The following KCNJ8 variants were observed in gnomAD, a reference collection of about 807,000 sequenced individuals.
KCNJ8 encodes the protein potassium inwardly rectifying channel subfamily J member 8, also known as ATP-sensitive inward rectifier potassium channel 8.
A neutral mutation model predicts 28.2 loss-of-function variants in KCNJ8; 13 were observed. That is an observed-to-expected ratio of 0.46 (90% CI 0.30 to 0.73). The LOEUF is 0.73. KCNJ8 is among the 30% of genes least tolerant of loss of function. KCNJ8 has a pLI of 0.07. For missense variants in KCNJ8, 284 were observed against 542.6 expected (o/e 0.52, Z 4.73); for synonymous variants, 188 against 195.9 (o/e 0.96, Z 0.34).
chr12:21,771,709 T>C (rs1317952075), intron 2 of KCNJ8, among the ~76,000 whole-genome samples: 1 of 152,184 alleles, frequency 6.6e-6, no homozygotes, highest in African/African-American at 2.4e-5. Flanking sequence ...TTACCATTTC[T>C]TTTTTCTCTT....
At chr12:21,770,517 C>A (rs946800127) in intron 2 of KCNJ8, among the ~76,000 whole-genome samples, 2 of 151,830 alleles carry the variant, frequency 1.3e-5, no homozygotes, top group Non-Finnish European at 1.5e-5. Context: ...TGGCCTAATC[C>A]TGTGAAAGAA....
chr12:21,765,069 A>G lies in KCNJ8; in HGVS notation c.*654T>C, dbSNP rs968128805. 1 of 155,360 alleles carries G rather than the reference A, an allele frequency of 6.4e-6. No individual in the cohort carries two copies. Among genetic ancestry groups the G allele is most frequent in the Non-Finnish European group, 1.4e-5 (1 of 70,150 alleles). The allele number at this position is 155,360 out of a possible 1,614,324, so 9.6% of individuals were successfully genotyped here. A position where few individuals can be genotyped will look rare whatever the true frequency, so the allele number is the denominator to read the frequency against. On this transcript the variant is annotated 3_prime_UTR_variant, in exon 3 of 3. Transcript: ENST00000240662. ...GTCACTGTGGGGAACCCAGTCCTAA[A>G]TGAGACAAGACTTAGCTTTCCTTCA...
Position 21,773,465 on chromosome 12 carries a change from C to G in KCNJ8, c.152G>C (p.Arg51Pro). 6.2e-7 allele frequency: 1 copy of G among 1,614,270 alleles called. No individual in the cohort carries two copies. The highest frequency in any genetic ancestry group is 8.5e-7 in the Non-Finnish European group (1 of 1,180,048). The change falls in exon 2 of 3, where the codon CGT becomes CCT. Residue 51 changes from arginine to proline, a missense_variant. By Grantham distance (103) the Arg-to-Pro change is moderately radical. Transcript: ENST00000240662. The surrounding 1 kb of genome is among the most constrained non-coding windows in gnomAD (Gnocchi z 4.6). The stretch of plus-strand genomic sequence containing the variant: ...GTCCTGTAGAAAGCGTCCTTGCTCA[C>G]GGATGTTCTTATGCGCCAGGTTGCA... ...GACNLAHKNI[R>P]EQGRFLQDIF...
chr12:21,772,901 C>G (rs902141140), intron 2 of KCNJ8, among the ~76,000 whole-genome samples: 4 of 152,170 alleles, frequency 2.6e-5, no homozygotes, highest in African/African-American at 9.7e-5. Context: ...AAACTATGGA[C>G]AACAGCTTTT....
rs1940588440 is a variant in KCNJ8 at position 21,765,193 on chromosome 12, T to G, written c.*530A>C. 1.5e-5 allele frequency: 3 copies of G among 203,100 alleles called. No homozygotes were observed. Among genetic ancestry groups the G allele is most frequent in the South Asian group, 1.7e-4 (2 of 11,504 alleles). 12.6% of individuals were successfully genotyped at this position (203,100 alleles called of 1,614,324 possible). On this transcript the variant is annotated 3_prime_UTR_variant, in exon 3 of 3. Coordinates refer to ENST00000240662, the MANE Select transcript of KCNJ8 (RefSeq NM_004982.4). ...ACAAAGCGAATGAACTGAATCCACT[T>G]ACAAACAGATCCACTTAAGCAGTTT...
Position 21,766,242 on chromosome 12 carries a change from G to GT in KCNJ8, c.755dup (p.Asn252LysfsTer7). The GT allele has an allele frequency of 1.2e-6, 2 of 1,614,126 alleles. No homozygotes were observed. Among genetic ancestry groups the GT allele is most frequent in the Non-Finnish European group, 1.7e-6 (2 of 1,180,028 alleles). ...GAAAAATGTTATTGCTCTCGATTGGGTTATCAACAGGAATGTCCAGTTGGT... is the reference window on the plus strand; with the variant it reads ...GAAAAATGTTATTGCTCTCGATTGGGTTTATCAACAGGAATGTCCAGTTGGT... On this transcript the variant is annotated frameshift_variant, in exon 3 of 3. Transcript: ENST00000240662. LOFTEE classifies it high-confidence loss of function. The surrounding 1 kb of genome is among the most constrained non-coding windows in gnomAD (Gnocchi z 6.5).
At chr12:21,771,884 T>C (rs545711414) in intron 2 of KCNJ8, among the ~76,000 whole-genome samples, 304 of 152,324 alleles carry the variant, frequency 2.0e-3, no homozygotes, top group Middle Eastern at 3.4e-3. Context: ...TATTGTGTTT[T>C]CTTTATATCT....
At position 21,765,733 on chromosome 12, in the gene KCNJ8, G is replaced by C. The variant is rs72554071; in HGVS notation, c.1265C>G (p.Ser422Trp). 6.2e-7 allele frequency: 1 copy of C among 1,613,842 alleles called. No individual in the cohort carries two copies. The highest frequency in any genetic ancestry group is 8.5e-7 in the Non-Finnish European group (1 of 1,179,752). The change falls in exon 3 of 3, where the codon TCG (serine) becomes TGG (tryptophan). Residue 422 changes from serine to tryptophan, a missense_variant. By Grantham distance (177) the Ser-to-Trp change is radical (BLOSUM62 -3). This residue lies in a region of KCNJ8 where 50 missense variants were observed against 55.9 expected (regional missense o/e 0.90). Coordinates refer to ENST00000240662, the MANE Select transcript of KCNJ8 (RefSeq NM_004982.4). The part of the protein sequence containing the change: ...FMTPEGNQNT[S>W]ES ...GGGGTTATCTTGCTGTCATGATTCC[G>C]ATGTGTTTTGATTTCCTTCTGGAGT...
intron 2 of KCNJ8, among the ~76,000 whole-genome samples, chr12:21,770,932 C>G (rs1391674778): frequency 6.6e-6 from 1 of 152,192 alleles, no homozygotes; most frequent in African/African-American, 2.4e-5. Context: ...TTGGTATGTA[C>G]AGTGCACTTT....
rs1186813053 is a variant in KCNJ8 at position 21,774,531 on chromosome 12, A to G, written c.-71+15T>C. 6.6e-6 allele frequency: 1 copy of G among 152,096 alleles called. No homozygotes were observed. The highest frequency in any genetic ancestry group is 2.4e-5 in the African/African-American group (1 of 41,434). The allele number at this position is 152,096 out of a possible 1,614,324, so 9.4% of individuals were successfully genotyped here. ...CCTCCCCCCTCCGCTCCCCCGGAGC[A>G]GCTTTGAAACTTACAGACTCCGGGT... is the stretch of plus-strand genomic sequence containing the variant. On this transcript the variant is annotated intron_variant, in intron 1 of 2. Transcript: ENST00000240662.
At position 21,773,120 on chromosome 12, in the gene KCNJ8, G is replaced by T; in HGVS notation, c.374+123C>A. On this transcript the variant is annotated intron_variant, in intron 2 of 2. Coordinates refer to ENST00000240662, the MANE Select transcript of KCNJ8 (RefSeq NM_004982.4). The surrounding 1 kb of genome is among the most constrained non-coding windows in gnomAD (Gnocchi z 4.6). ...TTCTTTATTGTGCTTTTTTGTTTCT[G>T]AAGATTCTAAAACAAACCCTTTATT... 1 of 1,167,912 alleles carries T rather than the reference G, an allele frequency of 8.6e-7. No homozygotes were observed. Among genetic ancestry groups the T allele is most frequent in the Admixed American group, 1.8e-5 (1 of 55,090 alleles). 72.3% of individuals were successfully genotyped at this position (1,167,912 alleles called of 1,614,324 possible).
At position 21,766,501 on chromosome 12, in the gene KCNJ8, C is replaced by G. The variant is rs376707958; in HGVS notation, c.497G>C (p.Gly166Ala). 2 of 1,613,836 alleles carry G rather than the reference C, an allele frequency of 1.2e-6. No individual in the cohort carries two copies. The highest frequency in any genetic ancestry group is 1.7e-5 in the Admixed American group (1 of 60,006). Residue 166 changes from glycine (G) to alanine (A), a missense_variant, in exon 3 of 3, where the codon GGT becomes GCT. Physicochemically the swap from Gly to Ala is moderately conservative, Grantham distance 60 (BLOSUM62 0). Transcript: ENST00000240662. This position sits in a 1 kb window ranked among gnomAD's most constrained non-coding sequence, Gnocchi z 6.5. The part of the protein sequence containing the change: ...ITVLILQNIV[G>A]LIINAVMLGC... Reference sequence around the variant, plus strand: ...TAACATGACTGCATTGATGATCAAACCCACAATATTCTGGAGAATCAAAAC... The same window carrying G: ...TAACATGACTGCATTGATGATCAAAGCCACAATATTCTGGAGAATCAAAAC...
intron 2 of KCNJ8, among the ~76,000 whole-genome samples, chr12:21,772,458 CAATT>C (rs1211170449): frequency 2.0e-5 from 3 of 152,160 alleles, no homozygotes; most frequent in Non-Finnish European, 2.9e-5. Flanking sequence ...TCACTGAAAT[CAATT>C]TACCTGTCTT....
chr12:21,769,983 G>A (rs1940720008), intron 2 of KCNJ8, among the ~76,000 whole-genome samples: 1 of 152,220 alleles, frequency 6.6e-6, no homozygotes, highest in Non-Finnish European at 1.5e-5. Context: ...AAATTTAGTT[G>A]ATAAAGCAGT....
Position 21,773,591 on chromosome 12 carries a change from G to A in KCNJ8, c.26C>T (p.Pro9Leu), listed in dbSNP as rs1006883763. 1.2e-6 allele frequency: 2 copies of A among 1,613,474 alleles called. No individual in the cohort carries two copies. The highest frequency in any genetic ancestry group is 2.2e-5 in the East Asian group (1 of 44,890). The change falls in exon 2 of 3, where the codon CCG (proline) becomes CTG (leucine). Residue 9 changes from proline to leucine, a missense_variant. By Grantham distance (98) the Pro-to-Leu change is moderately conservative. Around this residue, in one of 8 missense-constraint regions of KCNJ8, gnomAD observed 54 missense variants for 77.5 expected, o/e 0.70. Coordinates refer to ENST00000240662, the MANE Select transcript of KCNJ8 (RefSeq NM_004982.4). This position sits in a 1 kb window ranked among gnomAD's most constrained non-coding sequence, Gnocchi z 4.6. MLARKSII[P>L]EEYVLARIAA... ...GATGCGCGCCAGCACATACTCCTCC[G>A]GGATGATACTCTTTCTGGCCAACAT...
chr12:21,767,163 A>T (rs936462241), intron 2 of KCNJ8, among the ~76,000 whole-genome samples: 1 of 152,174 alleles, frequency 6.6e-6, no homozygotes, highest in African/African-American at 2.4e-5. Context: ...TTTGTGTCTC[A>T]TATAGAAATA....
chr12:21,767,786 C>G (rs1020846259), intron 2 of KCNJ8, among the ~76,000 whole-genome samples: 1 of 152,180 alleles, frequency 6.6e-6, no homozygotes, highest in African/African-American at 2.4e-5. Flanking sequence ...TTTGCAGATA[C>G]TGCATTTTTA....
chr12:21,770,374 A>G (rs1940730174), intron 2 of KCNJ8, among the ~76,000 whole-genome samples: 1 of 152,220 alleles, frequency 6.6e-6, no homozygotes, highest in Non-Finnish European at 1.5e-5. Context: ...TTTTATATGC[A>G]CTGGGAAACA....
intron 2 of KCNJ8, among the ~76,000 whole-genome samples, chr12:21,768,205 C>G (rs56207227): frequency 2.0e-5 from 3 of 152,160 alleles, no homozygotes; most frequent in Non-Finnish European, 4.4e-5. Context: ...ACTGATGTGA[C>G]AGGAGGCAGA....
Sources: gnomAD v4.1 joint callset for allele counts (sites outside exome capture counted in the v4.1 genomes callset) on GRCh38, gnomAD v4.1.1 for gene constraint, gnomAD v4.1.1 regional missense constraint, Gnocchi (gnomAD v3.1) non-coding constraint, MANE v1.5 for transcripts, NCBI Gene and HGNC (gene_info 2026-07-23, HGNC 2026-07-21) for gene names.